Variants in SPIRE1 observed in about 807,000 individuals in gnomAD.
The protein encoded by SPIRE1 is protein spire homolog 1.
Under a neutral mutation model 94.1 loss-of-function variants are expected in SPIRE1, and 40 were observed. The ratio of observed to expected loss-of-function variants is 0.43; its 90% CI spans 0.33 to 0.55. The LOEUF (loss-of-function observed/expected upper bound fraction) is 0.55. Among genes scored for constraint, SPIRE1 ranks in the 20% least tolerant of loss-of-function variants. The probability of loss-of-function intolerance (pLI) is 0.06; values close to 1 mark genes in which losing one functional copy is unlikely to be tolerated. For missense variants in SPIRE1, 838 were observed against 975.2 expected (o/e 0.86, Z 1.87); for synonymous variants, 376 against 371.7 (o/e 1.01, Z -0.13).
intron 1 of SPIRE1, among the ~76,000 whole-genome samples, chr18:12,637,993 T>C (rs920967663): frequency 2.4e-4 from 36 of 152,326 alleles, no homozygotes; most frequent in African/African-American, 8.4e-4. Flanking sequence ...CACGGTAATA[T>C]GAAAAGGCTG....
chr18:12,618,673 G>A (rs1292249002), intron 2 of SPIRE1, among the ~76,000 whole-genome samples: 3 of 152,068 alleles, frequency 2.0e-5, no homozygotes, highest in East Asian at 3.9e-4. Context: ...GGGCCAAACC[G>A]AAAAGTTTGT....
intron 2 of SPIRE1, among the ~76,000 whole-genome samples, chr18:12,623,880 G>A (rs896252901): frequency 6.6e-6 from 1 of 151,296 alleles, no homozygotes; most frequent in Non-Finnish European, 1.5e-5. Context: ...CGCCTGCCTC[G>A]GCCTTCCAAA....
chr18:12,641,033 C>T (rs1041757713), intron 1 of SPIRE1, among the ~76,000 whole-genome samples: 1 of 151,824 alleles, frequency 6.6e-6, no homozygotes, highest in African/African-American at 2.4e-5. Flanking sequence ...TACACGCGGG[C>T]GGCCAGGCAG....
rs144179545 is a variant in SPIRE1, at chr18:12,534,636, C to A, written c.729+840G>T. ...TGGTGCTGGGATATACTTTTCTTCTCCTACCCTTGGTCTTTGGACTTGGAC... is the reference window on the plus strand; with the variant it reads ...TGGTGCTGGGATATACTTTTCTTCTACTACCCTTGGTCTTTGGACTTGGAC... On this transcript the variant is annotated intron_variant, in intron 4 of 16. Transcript: ENST00000409402. 1.1e-3 allele frequency among the ~76,000 whole-genome samples: 164 copies of A among 152,230 alleles called. 1 individual carries two copies. Among genetic ancestry groups the A allele is most frequent in the East Asian group, 6.2e-3 (32 of 5,172 alleles).
chr18:12,531,511 C>T (rs1340885584), intron 4 of SPIRE1, among the ~76,000 whole-genome samples: 1 of 152,198 alleles, frequency 6.6e-6, no homozygotes, highest in Middle Eastern at 3.4e-3. Context: ...ACACCTTTGC[C>T]GGACTGAAGG....
chr18:12,519,702 A>C (rs1368528770), intron 4 of SPIRE1, among the ~76,000 whole-genome samples: 3 of 152,248 alleles, frequency 2.0e-5, no homozygotes, highest in Non-Finnish European at 2.9e-5. Context: ...TCTTAAGTAC[A>C]TGAAAAGATA....
chr18:12,645,871 G>A (rs543309928), intron 1 of SPIRE1, among the ~76,000 whole-genome samples: 1 of 152,062 alleles, frequency 6.6e-6, no homozygotes, highest in African/African-American at 2.4e-5. Flanking sequence ...TGCCTTTCCA[G>A]CCCTTCTGAC....
chr18:12,498,393 C>T (rs1482974946), intron 6 of SPIRE1, among the ~76,000 whole-genome samples: 1 of 152,054 alleles, frequency 6.6e-6, no homozygotes, highest in African/African-American at 2.4e-5. Context: ...GCAACAATGC[C>T]TTAAACAAGC....
intron 2 of SPIRE1, among the ~76,000 whole-genome samples, chr18:12,577,293 G>A (rs544754136): frequency 1.3e-4 from 19 of 151,940 alleles, no homozygotes; most frequent in South Asian, 4.2e-4. Flanking sequence ...GACTACAGGC[G>A]CCCGCCACCA....
intron 2 of SPIRE1, among the ~76,000 whole-genome samples, chr18:12,547,757 C>T (rs1418896734): frequency 6.6e-6 from 1 of 152,226 alleles, no homozygotes; most frequent in Non-Finnish European, 1.5e-5. Flanking sequence ...GCCTGGCCAA[C>T]ATGGCGAAAC....
chr18:12,603,946 G>C (rs12455101), intron 2 of SPIRE1, among the ~76,000 whole-genome samples: 1 of 152,140 alleles, frequency 6.6e-6, no homozygotes, highest in African/African-American at 2.4e-5. Flanking sequence ...AAGGGACTGG[G>C]TTTGGGGAGC....
At chr18:12,474,830 C>A (rs932856546) in intron 10 of SPIRE1, among the ~76,000 whole-genome samples, 1 of 151,964 alleles carries the variant, frequency 6.6e-6, no homozygotes, top group Non-Finnish European at 1.5e-5. Flanking sequence ...AAAAACCCCC[C>A]CAAAAAACCA....
chr18:12,613,647 C>T (rs768880006), intron 2 of SPIRE1, among the ~76,000 whole-genome samples: 2 of 152,140 alleles, frequency 1.3e-5, no homozygotes, highest in Non-Finnish European at 2.9e-5. Context: ...CACCTGTAAT[C>T]CCAGCACTTT....
chr18:12,594,714 C>A (rs182190117), intron 2 of SPIRE1, among the ~76,000 whole-genome samples: 3 of 152,134 alleles, frequency 2.0e-5, no homozygotes, highest in Non-Finnish European at 2.9e-5. Flanking sequence ...TTGAACAACA[C>A]GTTTGAAGTG....
At chr18:12,479,489 T>C (rs1378232522) in intron 10 of SPIRE1, among the ~76,000 whole-genome samples, 1 of 152,190 alleles carries the variant, frequency 6.6e-6, no homozygotes, top group African/African-American at 2.4e-5. Context: ...TTTAGTGTTC[T>C]ATAATTATAG....
Position 12,450,686 on chromosome 18 carries a change from G to A in SPIRE1, c.2013-790C>T. The A allele has an allele frequency of 4.6e-6, 3 of 645,632 alleles. No individual in the cohort carries two copies. In the South Asian group the frequency reaches 5.3e-5, roughly 11 times the overall value. 40.0% of individuals were successfully genotyped at this position (645,632 alleles called of 1,614,324 possible). A position where few individuals can be genotyped will look rare whatever the true frequency, so the allele number is the denominator to read the frequency against. On this transcript the variant is annotated intron_variant, in intron 16 of 16. Transcript: ENST00000409402. ...CTGGGAAATGAAGGATTATGGACCA[G>A]CTAAGGGAGGCAAGAAGAAGGATCC...
chr18:12,467,873 C>T (rs1022214509), intron 10 of SPIRE1, among the ~76,000 whole-genome samples: 2 of 152,020 alleles, frequency 1.3e-5, no homozygotes, highest in Non-Finnish European at 2.9e-5. Context: ...CACTTGAACC[C>T]GGGAGGTGGA....
intron 4 of SPIRE1, among the ~76,000 whole-genome samples, chr18:12,524,791 T>G (rs984639742): frequency 6.6e-6 from 1 of 151,784 alleles, no homozygotes; most frequent in Non-Finnish European, 1.5e-5. Flanking sequence ...CTGGGCAGCA[T>G]AGCAAGACCC....
chr18:12,650,713 A>G (rs1452491513), intron 1 of SPIRE1, among the ~76,000 whole-genome samples: 2 of 12,428 alleles, frequency 1.6e-4, no homozygotes, highest in Non-Finnish European at 4.0e-4. Context: ...CATCTCAGGA[A>G]AAAAAAAAAA....
Sources: gnomAD v4.1 joint callset for allele counts (sites outside exome capture counted in the v4.1 genomes callset) on GRCh38, gnomAD v4.1.1 for gene constraint, MANE v1.5 for transcripts, NCBI Gene and HGNC (gene_info 2026-07-23, HGNC 2026-07-21) for gene names.